ALDH9A1: variants seen among roughly 807,000 people sequenced by gnomAD.
ALDH9A1 encodes aldehyde dehydrogenase 9 family member A1.
ALDH9A1 carries 42 observed loss-of-function variants against 56.6 expected under a neutral mutation model. The ratio of observed to expected loss-of-function variants is 0.74; its 90% CI spans 0.58 to 0.96. The LOEUF (loss-of-function observed/expected upper bound fraction) is 0.96. ALDH9A1 is among the 40% of genes least tolerant of loss of function. The pLI is 0.00. For synonymous variants in ALDH9A1, 242 were observed against 236.0 expected (o/e 1.03, Z -0.23); for missense variants, 661 against 651.5 (o/e 1.01, Z -0.16).
At chr1:165,692,138 A>C (rs1649911913) in intron 2 of ALDH9A1, among the ~76,000 whole-genome samples, 1 of 152,222 alleles carries the variant, frequency 6.6e-6, no homozygotes, top group Admixed American at 6.5e-5. Context: ...AACTGGAAGC[A>C]TTCCCTTTGA....
chr1:165,698,544 T>G lies in ALDH9A1; in HGVS notation c.15A>C (p.Ala5=), dbSNP rs12408101. 0.24 allele frequency: 384,259 copies of G among 1,605,580 alleles called. 49,869 individuals carry two copies. Among genetic ancestry groups the G allele is most frequent in the Non-Finnish European group, 0.27 (314,836 of 1,177,190 alleles). MFLR[A]GLAALSPLLR... is the part of the protein sequence containing the mutation. ...GAAGCGGGGAGAGCGCGGCCAGGCC[T>G]GCTCGGAGAAACATGAGTGGCGGAC... Residue 5 remains alanine, a synonymous_variant, in exon 1 of 11, where the codon GCA becomes GCC. Coordinates refer to ENST00000354775, the MANE Select transcript of ALDH9A1 (RefSeq NM_000696.4).
In ALDH9A1 at chr1:165,679,447, C is replaced by A. The variant is rs753615502; in HGVS notation, c.925G>T (p.Gly309Cys). 6.2e-7 allele frequency: 1 copy of A among 1,614,020 alleles called. No individual in the cohort carries two copies. Among genetic ancestry groups the A allele is most frequent in the Admixed American group, 1.7e-5 (1 of 60,006 alleles). Reference protein sequence around the residue: ...GALMANFLTQGQVCCNGTRVF... With the variant: ...GALMANFLTQCQVCCNGTRVF... ...TTCCAGGGACAGGTACATACCTGGC[C>A]TTGTGTGAGGAAGTTGGCCATCAGC... Residue 309 changes from glycine (G) to cysteine (C), a missense_variant, in exon 6 of 11, where the codon GGC becomes TGC. By Grantham distance (159) the Gly-to-Cys change is radical (BLOSUM62 -3). Transcript: ENST00000354775.
chr1:165,664,819 T>G lies in ALDH9A1; in HGVS notation c.1462+199A>C, dbSNP rs149967428. On this transcript the variant is annotated intron_variant, in intron 10 of 10. Transcript: ENST00000354775. ...ATACATCAGAACCCTCCAGAAAGAT[T>G]TAGGGAGTGTTGGGTAGGGGAAGAT... Among the ~76,000 whole-genome samples, 33 of 152,270 alleles carry G rather than the reference T, an allele frequency of 2.2e-4. 1 individual carries two copies. In the East Asian group the frequency reaches 4.6e-3, roughly 21 times the overall value.
At chr1:165,674,049 C>T (rs1234324222) in intron 6 of ALDH9A1, among the ~76,000 whole-genome samples, 2 of 152,022 alleles carry the variant, frequency 1.3e-5, no homozygotes, top group East Asian at 1.9e-4. Flanking sequence ...GACCGCTGGT[C>T]GTCATTGCTG....
At chr1:165,679,386 T>C (rs1275197994) in intron 6 of ALDH9A1, 56 bp downstream of exon 6, 1 of 1,588,614 alleles carries the variant, frequency 6.3e-7, no homozygotes, top group South Asian at 1.1e-5. Flanking sequence ...TAAAACACAC[T>C]GTTGGATGAG....
At chr1:165,686,523 A>T (rs1171603997) in intron 2 of ALDH9A1, among the ~76,000 whole-genome samples, 1 of 151,344 alleles carries the variant, frequency 6.6e-6, no homozygotes, top group Non-Finnish European at 1.5e-5. Flanking sequence ...TTTTTTAAAA[A>T]AAAAAGCCCC....
Position 165,680,604 on chromosome 1 carries a change from A to C in ALDH9A1, c.672T>G (p.Gly224=), listed in dbSNP as rs57850528. ...CCACATTGAAGAGCCCAGGAGGTAC[A>C]CCAGCCTCACTGTAGATTTCAGCCA... ...LLLAEIYSEA[G]VPPGLFNVVQ... is the part of the protein sequence containing the mutation. The change falls in exon 5 of 11, where the codon GGT becomes GGG. Residue 224 remains glycine, a synonymous_variant. Transcript: ENST00000354775. The C allele has an allele frequency of 1.3e-4, 204 of 1,614,132 alleles. No individual in the cohort carries two copies. In the African/African-American group the frequency reaches 2.6e-3, roughly 20 times the overall value.
rs775577972 is a variant in ALDH9A1 at position 165,695,298 on chromosome 1, C to A, written c.281G>T (p.Gly94Val). The stretch of plus-strand genomic sequence containing the variant: ...CAAAAGGATTCGGCAACGCTCCATG[C>A]CAGATTTTTGACTCCATATTTTAAA... Reference protein sequence around the residue: ...AAFKIWSQKSGMERCRILLEA... With the variant: ...AAFKIWSQKSVMERCRILLEA... Residue 94 changes from glycine to valine, a missense_variant, in exon 2 of 11, where the codon GGC (glycine) becomes GTC (valine). Gly to Val is a moderately radical substitution (Grantham distance 109). Transcript: ENST00000354775. 1 of 1,613,080 alleles carries A rather than the reference C, an allele frequency of 6.2e-7. No homozygotes were observed. The highest frequency in any genetic ancestry group is 1.7e-5 in the Admixed American group (1 of 59,890).
At position 165,680,658 on chromosome 1, in the gene ALDH9A1, A is replaced by G; in HGVS notation, c.618T>C (p.Ser206=). ...ACGNAMVFKP[S]PFTPVSALLL... is the part of the protein sequence containing the mutation. ...GCAATGCAGAAACAGGTGTAAAGGG[A>G]GAAGGTTTAAAGACCATGGCATTAC... is the stretch of plus-strand genomic sequence containing the variant. Residue 206 remains serine (S), a synonymous_variant, in exon 5 of 11, where the codon TCT becomes TCC. Coordinates refer to ENST00000354775, the MANE Select transcript of ALDH9A1 (RefSeq NM_000696.4). 6.2e-7 allele frequency: 1 copy of G among 1,613,124 alleles called. No individual in the cohort carries two copies.
intron 3 of ALDH9A1, chr1:165,682,738 G>A: frequency 4.6e-6 from 2 of 432,708 alleles, no homozygotes; most frequent in Non-Finnish European, 4.1e-6. Flanking sequence ...CTAAAGCTCA[G>A]GTATCATGCT....
chr1:165,685,035 T>C (rs988349136), intron 2 of ALDH9A1, among the ~76,000 whole-genome samples: 30 of 152,220 alleles, frequency 2.0e-4, no homozygotes, highest in African/African-American at 7.2e-4. Context: ...GGAGATCTTC[T>C]GATATAGTAC....
chr1:165,690,480 T>C lies in ALDH9A1; in HGVS notation c.327+4772A>G, dbSNP rs769439045. Among the ~76,000 whole-genome samples the C allele has an allele frequency of 3.5e-4, 53 of 152,192 alleles. 1 individual carries two copies. The highest frequency in any genetic ancestry group is 6.0e-4 in the Non-Finnish European group (41 of 68,042). ...GATGGCCGAATAGGAGCAGCTCCGA[T>C]CTGCATCTCCCAGCGTGATCAATGC... On this transcript the variant is annotated intron_variant, in intron 2 of 10. Coordinates refer to ENST00000354775, the MANE Select transcript of ALDH9A1 (RefSeq NM_000696.4).
In ALDH9A1 at chr1:165,667,636, A is replaced by G. The variant is rs112443781; in HGVS notation, c.1208-186T>C. On this transcript the variant is annotated intron_variant, in intron 8 of 10. Transcript: ENST00000354775. ...GGGTGTTCCACTGCACCTAGCCCCAATATTTTTAATTTAACAATGTATTGT... is the reference window on the plus strand; with the variant it reads ...GGGTGTTCCACTGCACCTAGCCCCAGTATTTTTAATTTAACAATGTATTGT... 5.8e-4 allele frequency among the ~76,000 whole-genome samples: 89 copies of G among 152,238 alleles called. No individual in the cohort carries two copies. In the East Asian group the frequency reaches 6.4e-3, roughly 11 times the overall value.
At chr1:165,682,748 T>C (rs1269251740) in intron 3 of ALDH9A1, 3 of 463,438 alleles carry the variant, frequency 6.5e-6, no homozygotes, top group Non-Finnish European at 1.1e-5. Context: ...GGTATCATGC[T>C]AGGTGCTTTA....
intron 2 of ALDH9A1, among the ~76,000 whole-genome samples, chr1:165,688,578 C>T (rs111666599): frequency 2.0e-5 from 3 of 151,840 alleles, no homozygotes; most frequent in African/African-American, 7.3e-5. Context: ...AAAAATTAGC[C>T]AGGTATGGTG....
At chr1:165,667,920 C>T (rs777683380) in intron 8 of ALDH9A1, among the ~76,000 whole-genome samples, 1 of 151,956 alleles carries the variant, frequency 6.6e-6, no homozygotes, top group Non-Finnish European at 1.5e-5. Context: ...TTAAAGCCTA[C>T]AAAACTATCA....
At chr1:165,688,704 T>C (rs986261466) in intron 2 of ALDH9A1, among the ~76,000 whole-genome samples, 1 of 151,956 alleles carries the variant, frequency 6.6e-6, no homozygotes, top group Non-Finnish European at 1.5e-5. Flanking sequence ...CAAGACCCTG[T>C]CAAAAAAGAA....
intron 3 of ALDH9A1, 34 bp from the exon 4 acceptor site, chr1:165,682,275 GT>G: frequency 1.4e-5 from 22 of 1,606,206 alleles, no homozygotes; most frequent in Non-Finnish European, 1.9e-5. Context: ...GAGGATGCAG[GT>G]CTGTGCTCCC....
At chr1:165,674,315 TAAAAAAA>T (rs56088658) in intron 6 of ALDH9A1, among the ~76,000 whole-genome samples, 1 of 58,056 alleles carries the variant, frequency 1.7e-5, no homozygotes, top group Non-Finnish European at 3.2e-5. Flanking sequence ...TTCCTTTCAC[TAAAAAAA>T]AAAAAAAAAA....
Sources: allele counts gnomAD v4.1 joint callset (sites outside exome capture counted in the v4.1 genomes callset), GRCh38; gene constraint gnomAD v4.1.1; transcripts MANE v1.5; gene names NCBI Gene and HGNC (gene_info 2026-07-23, HGNC 2026-07-21).